The following CSMD1 variants were observed in gnomAD, a reference collection of about 807,000 sequenced individuals.
CSMD1 encodes the protein CUB and Sushi multiple domains 1.
A neutral mutation model predicts 417.5 loss-of-function variants in CSMD1; 213 were observed. The observed-to-expected ratio is 0.51, with a 90% CI of 0.46 to 0.57. The LOEUF (loss-of-function observed/expected upper bound fraction) is 0.57, where lower values mean the gene tolerates loss of function less well. Ranked by LOEUF, CSMD1 falls within the 20% of genes least tolerant of loss-of-function variation. The pLI is 0.00. For synonymous variants in CSMD1, 2,862 were observed against 1,736.8 expected (o/e 1.65, Z -16.11); for missense variants, 6,923 against 4,529.7 (o/e 1.53, Z -15.17).
intron 16 of CSMD1, 27 bp downstream of exon 16, chr8:3,399,364 C>A (rs770980348): frequency 4.4e-6 from 7 of 1,578,334 alleles, no homozygotes; most frequent in South Asian, 1.2e-5. Flanking sequence ...ACCATTGGGT[C>A]CAAATGAAGA....
intron 49 of CSMD1, among the ~76,000 whole-genome samples, chr8:3,071,001 A>G (rs533461621): frequency 6.6e-6 from 1 of 152,224 alleles, no homozygotes. Flanking sequence ...GGAGATTTTA[A>G]TCATGGCAGA....
At chr8:4,278,456 A>G (rs1174600964) in intron 3 of CSMD1, among the ~76,000 whole-genome samples, 1 of 152,248 alleles carries the variant, frequency 6.6e-6, no homozygotes, top group Non-Finnish European at 1.5e-5. Context: ...TATATAAAAT[A>G]TAATTTTTTA....
chr8:3,776,070 T>C (rs772397528), intron 5 of CSMD1, among the ~76,000 whole-genome samples: 2 of 152,164 alleles, frequency 1.3e-5, no homozygotes, highest in Non-Finnish European at 2.9e-5. Flanking sequence ...ACACCTACCT[T>C]GTCCATACAA....
At chr8:4,915,083 A>T (rs1340282205) in intron 1 of CSMD1, among the ~76,000 whole-genome samples, 2 of 152,180 alleles carry the variant, frequency 1.3e-5, no homozygotes, top group South Asian at 4.1e-4. Flanking sequence ...GGTTTCTCAG[A>T]TGTAATATGG....
At chr8:3,345,505 T>G (rs1419531159) in intron 22 of CSMD1, among the ~76,000 whole-genome samples, 1 of 152,112 alleles carries the variant, frequency 6.6e-6, no homozygotes, top group Non-Finnish European at 1.5e-5. Flanking sequence ...AAAACCCAGA[T>G]AGGAGTGGAA....
intron 2 of CSMD1, among the ~76,000 whole-genome samples, chr8:4,449,041 G>A (rs530491828): frequency 6.6e-6 from 1 of 152,144 alleles, no homozygotes; most frequent in Admixed American, 6.5e-5. Flanking sequence ...TGGTTCTTGA[G>A]TAAAAGGCCC....
intron 1 of CSMD1, among the ~76,000 whole-genome samples, chr8:4,799,408 C>T (rs1370837269): frequency 6.6e-6 from 1 of 151,752 alleles, no homozygotes; most frequent in Non-Finnish European, 1.5e-5. Flanking sequence ...CTCAGCCCGG[C>T]CACCATGGCA....
At chr8:4,022,639 C>T (rs955451476) in intron 4 of CSMD1, among the ~76,000 whole-genome samples, 1 of 152,132 alleles carries the variant, frequency 6.6e-6, no homozygotes, top group East Asian at 1.9e-4. Context: ...CTGGAACCCT[C>T]TGGGTGAGCG....
At chr8:3,869,296 C>T (rs1391819965) in intron 5 of CSMD1, among the ~76,000 whole-genome samples, 4 of 152,194 alleles carry the variant, frequency 2.6e-5, no homozygotes, top group Non-Finnish European at 4.4e-5. Flanking sequence ...CATTCTCCTT[C>T]TCTGCTTCAT....
chr8:4,035,681 A>T (rs545142992), intron 3 of CSMD1, among the ~76,000 whole-genome samples: 1 of 152,368 alleles, frequency 6.6e-6, no homozygotes, highest in African/African-American at 2.4e-5. Flanking sequence ...TGTTTTGCAC[A>T]ACTGTGCAAG....
intron 1 of CSMD1, among the ~76,000 whole-genome samples, chr8:4,742,219 A>T (rs1007786322): frequency 3.3e-5 from 5 of 149,542 alleles, no homozygotes; most frequent in Non-Finnish European, 5.9e-5. Flanking sequence ...TTTAGTAGAG[A>T]CGGGGTTTCA....
intron 2 of CSMD1, among the ~76,000 whole-genome samples, chr8:4,538,999 A>T (rs574296666): frequency 6.6e-6 from 1 of 152,334 alleles, no homozygotes; most frequent in African/African-American, 2.4e-5. Context: ...CAAAATAAAT[A>T]AAATAACCTA....
In CSMD1 at chr8:4,265,958, C is replaced by T. The variant is rs531581284; in HGVS notation, c.415+153995G>A. Among the ~76,000 whole-genome samples the T allele has an allele frequency of 3.9e-5, 4 of 103,080 alleles. 1 individual carries two copies. Among genetic ancestry groups the T allele is most frequent in the Non-Finnish European group, 7.8e-5 (3 of 38,414 alleles). 67.6% of individuals were successfully genotyped at this position (103,080 alleles called of 152,430 possible). ...TGCCCAGGAGACGGGGAACCATGGC[C>T]CCCACTGTATTCCATGCCTACTTTG... On this transcript the variant is annotated intron_variant, in intron 3 of 69. Transcript: ENST00000635120.
At chr8:3,815,122 G>T (rs903074559) in intron 5 of CSMD1, among the ~76,000 whole-genome samples, 1 of 152,108 alleles carries the variant, frequency 6.6e-6, no homozygotes, top group Admixed American at 6.5e-5. Flanking sequence ...TTAGACATGG[G>T]ATATTTTGCT....
intron 3 of CSMD1, among the ~76,000 whole-genome samples, chr8:4,036,970 TGTG>T (rs1797653048): frequency 6.6e-6 from 1 of 150,712 alleles, no homozygotes; most frequent in Non-Finnish European, 1.5e-5. Flanking sequence ...TGTGTGTGTG[TGTG>T]TGTGTGTGTG....
chr8:4,808,707 G>A (rs569401411), intron 1 of CSMD1, among the ~76,000 whole-genome samples: 2 of 152,148 alleles, frequency 1.3e-5, no homozygotes, highest in South Asian at 2.1e-4. Flanking sequence ...ACTGTCGCTT[G>A]AACACGCCCA....
chr8:4,456,149 G>C (rs12375249), intron 2 of CSMD1, among the ~76,000 whole-genome samples: 20 of 150,704 alleles, frequency 1.3e-4, no homozygotes, highest in African/African-American at 4.4e-4. Flanking sequence ...AGGGTTAACA[G>C]AGAGTGGTCC....
chr8:3,318,801 C>A (rs1457818827), intron 23 of CSMD1, among the ~76,000 whole-genome samples: 1 of 152,168 alleles, frequency 6.6e-6, no homozygotes, highest in Admixed American at 6.5e-5. Context: ...CCCACACACA[C>A]AGACAGCCAC....
intron 36 of CSMD1, among the ~76,000 whole-genome samples, chr8:3,182,372 G>A (rs1352462806): frequency 1.3e-5 from 2 of 152,084 alleles, no homozygotes; most frequent in African/African-American, 2.4e-5. Flanking sequence ...GCTCCACCAT[G>A]TCCTGCTAAG....
Sources: allele counts gnomAD v4.1 joint callset (sites outside exome capture counted in the v4.1 genomes callset), GRCh38; gene constraint gnomAD v4.1.1; transcripts MANE v1.5; gene names NCBI Gene and HGNC (gene_info 2026-07-23, HGNC 2026-07-21).